The following HEMK2 variants were observed in gnomAD, a reference collection of about 807,000 sequenced individuals.
HEMK2 encodes the protein HemK methyltransferase 2, ETF1 glutamine and histone H4 lysine.
chr21:28,829,368 T>C, the HEMK2 span, among the ~76,000 whole-genome samples: 2 of 152,150 alleles, frequency 1.3e-5, no homozygotes, highest in African/African-American at 4.8e-5. Flanking sequence ...GAGAGGTAAT[T>C]AGAACATGAG....
At chr21:28,684,201 A>G in the HEMK2 span, among the ~76,000 whole-genome samples, 4 of 152,214 alleles carry the variant, frequency 2.6e-5, no homozygotes, top group African/African-American at 9.7e-5. Context: ...TACCGTGCAC[A>G]TAATTATTCT....
the HEMK2 span, among the ~76,000 whole-genome samples, chr21:28,601,139 T>C: frequency 6.6e-6 from 1 of 152,182 alleles, no homozygotes; most frequent in East Asian, 1.9e-4. Flanking sequence ...GCCTGGTTCT[T>C]TTCCTCATCC....
At chr21:28,612,044 G>T in the HEMK2 span, among the ~76,000 whole-genome samples, 42 of 151,658 alleles carry the variant, frequency 2.8e-4, no homozygotes, top group African/African-American at 9.7e-4. Flanking sequence ...AAAAGATAGT[G>T]ATAGAGGGAA....
At chr21:28,870,499 T>C in the HEMK2 span, among the ~76,000 whole-genome samples, 2 of 152,072 alleles carry the variant, frequency 1.3e-5, no homozygotes, top group African/African-American at 4.8e-5. Context: ...CCTCTGAAGC[T>C]CAAACAATGC....
At chr21:28,788,279 TACACACAC>T in the HEMK2 span, among the ~76,000 whole-genome samples, 10 of 147,102 alleles carry the variant, frequency 6.8e-5, no homozygotes, top group South Asian at 2.1e-4. Context: ...CCATCATATA[TACACACAC>T]ACACACACAC....
chr21:28,822,913 G>A, the HEMK2 span, among the ~76,000 whole-genome samples: 1 of 151,998 alleles, frequency 6.6e-6, no homozygotes, highest in African/African-American at 2.4e-5. Context: ...TTTGTGTACT[G>A]CTTGCTGACA....
At chr21:28,623,364 G>A in the HEMK2 span, among the ~76,000 whole-genome samples, 2 of 152,170 alleles carry the variant, frequency 1.3e-5, no homozygotes, top group African/African-American at 4.8e-5. Flanking sequence ...GGAGAAATGG[G>A]AATGCTTTTA....
chr21:28,636,673 C>T, the HEMK2 span, among the ~76,000 whole-genome samples: 5 of 152,104 alleles, frequency 3.3e-5, no homozygotes, highest in Middle Eastern at 3.4e-3. Flanking sequence ...CTTTTTTGTC[C>T]GGAGTTAAAT....
the HEMK2 span, among the ~76,000 whole-genome samples, chr21:28,786,019 T>C: frequency 6.6e-6 from 1 of 152,256 alleles, no homozygotes; most frequent in African/African-American, 2.4e-5. Context: ...GCTGCACCCA[T>C]CTACCTCTAG....
At chr21:28,661,739 G>A in the HEMK2 span, among the ~76,000 whole-genome samples, 4 of 152,112 alleles carry the variant, frequency 2.6e-5, no homozygotes, top group Non-Finnish European at 4.4e-5. Flanking sequence ...GAAACGTTCT[G>A]TATCTCCACT....
the HEMK2 span, among the ~76,000 whole-genome samples, chr21:28,695,526 A>C: frequency 1.3e-5 from 2 of 152,216 alleles, no homozygotes; most frequent in African/African-American, 4.8e-5. Flanking sequence ...GGAAGCAGGC[A>C]AGAGAGCTTG....
At chr21:28,823,655 A>G in the HEMK2 span, among the ~76,000 whole-genome samples, 1 of 152,300 alleles carries the variant, frequency 6.6e-6, no homozygotes, top group South Asian at 2.1e-4. Flanking sequence ...GAGCTCTTAT[A>G]TTACCTTGTC....
At chr21:28,842,710 C>T in the HEMK2 span, among the ~76,000 whole-genome samples, 4 of 152,078 alleles carry the variant, frequency 2.6e-5, no homozygotes, top group Non-Finnish European at 5.9e-5. Context: ...TGCTAGTAGT[C>T]GCATTTCCTT....
At chr21:28,862,359 G>GTA in the HEMK2 span, among the ~76,000 whole-genome samples, 8 of 121,162 alleles carry the variant, frequency 6.6e-5, no homozygotes, top group Non-Finnish European at 1.0e-4. Flanking sequence ...GAAAGTAGTC[G>GTA]CCGGGCGCGG....
the HEMK2 span, among the ~76,000 whole-genome samples, chr21:28,632,587 G>A: frequency 6.6e-6 from 1 of 152,154 alleles, no homozygotes; most frequent in Non-Finnish European, 1.5e-5. Flanking sequence ...GTCACAAAAT[G>A]TGTTTTCATT....
the HEMK2 span, among the ~76,000 whole-genome samples, chr21:28,742,639 AT>A: frequency 6.6e-6 from 1 of 152,002 alleles, no homozygotes. Context: ...ATAAATGATC[AT>A]TTTTTTAAAG....
the HEMK2 span, among the ~76,000 whole-genome samples, chr21:28,607,397 C>T: frequency 6.3e-4 from 96 of 151,852 alleles, no homozygotes; most frequent in Non-Finnish European, 9.3e-4. Flanking sequence ...GGCAATACAG[C>T]GAGACTCCAT....
chr21:28,616,040 C>T, the HEMK2 span, among the ~76,000 whole-genome samples: 4 of 152,140 alleles, frequency 2.6e-5, no homozygotes, highest in Non-Finnish European at 4.4e-5. Context: ...TCAAGTGCCA[C>T]TCATCATGTT....
the HEMK2 span, among the ~76,000 whole-genome samples, chr21:28,710,268 T>A: frequency 4.5e-3 from 680 of 152,346 alleles, 4 homozygotes; most frequent in Non-Finnish European, 7.6e-3. Context: ...CCTTGGACTT[T>A]GTATAATAAT....
Sources: gnomAD v4.1 joint callset for allele counts (sites outside exome capture counted in the v4.1 genomes callset) on GRCh38, gnomAD v4.1.1 for gene constraint, MANE v1.5 for transcripts, NCBI Gene and HGNC (gene_info 2026-07-23, HGNC 2026-07-21) for gene names.